LRFN2: variants seen among roughly 807,000 people sequenced by gnomAD.
The protein encoded by LRFN2 is leucine-rich repeat and fibronectin type-III domain-containing protein 2.
In LRFN2, 18 loss-of-function variants were observed where a neutral mutation model predicts 37.3. The ratio of observed to expected loss-of-function variants is 0.48; its 90% CI spans 0.33 to 0.72. LRFN2 has a LOEUF of 0.72. Ranked by LOEUF, LRFN2 falls within the 30% of genes least tolerant of loss-of-function variation. LRFN2 has a pLI of 0.02. For missense variants in LRFN2, 1,006 were observed against 1,060.7 expected, an observed-to-expected ratio of 0.95 and a Z score of 0.72; for synonymous variants, 556 against 466.6, an observed-to-expected ratio of 1.19 and a Z score of -2.47.
At chr6:40,438,949 C>T (rs757259513) in intron 1 of LRFN2, among the ~76,000 whole-genome samples, 1 of 152,102 alleles carries the variant, frequency 6.6e-6, no homozygotes, top group Non-Finnish European at 1.5e-5. Flanking sequence ...AAGGGAAAAA[C>T]AAAGATGAGG....
chr6:40,395,202 C>T (rs1397449325), intron 2 of LRFN2, among the ~76,000 whole-genome samples: 3 of 152,152 alleles, frequency 2.0e-5, no homozygotes, highest in African/African-American at 7.2e-5. Context: ...TCCCATTTCA[C>T]AGAGAAGAAA....
Position 40,587,113 on chromosome 6 carries a change from G to A in LRFN2, c.-191C>T, listed in dbSNP as rs1327634693. The A allele has an allele frequency of 1.3e-5, 2 of 152,244 alleles. No individual in the cohort carries two copies. Among genetic ancestry groups the A allele is most frequent in the African/African-American group, 4.8e-5 (2 of 41,472 alleles). 9.4% of individuals were successfully genotyped at this position (152,244 alleles called of 1,614,324 possible). The stretch of plus-strand genomic sequence containing the variant: ...TGGTGGCCTCGGACGTCCACGCGGG[G>A]AAAGCCCTGAGCCGCTTATTCAGTT... On this transcript the variant is annotated 5_prime_UTR_variant, in exon 1 of 3. Coordinates refer to ENST00000338305, the MANE Select transcript of LRFN2 (RefSeq NM_020737.3). This position sits in a 1 kb window ranked among gnomAD's most constrained non-coding sequence, Gnocchi z 4.2.
Position 40,490,364 on chromosome 6 carries a change from C to T in LRFN2, c.-18-57233G>A, listed in dbSNP as rs559673035. 1.1e-4 allele frequency among the ~76,000 whole-genome samples: 16 copies of T among 152,316 alleles called. No homozygotes were observed. In the South Asian group the frequency reaches 3.3e-3, roughly 32 times the overall value. The stretch of plus-strand genomic sequence containing the variant: ...CCAGTGTGGAGAGATGGAGGAGGAG[C>T]AGCGAGGCTGCAGCTGCCTGATGGA... On this transcript the variant is annotated intron_variant, in intron 1 of 2. Transcript: ENST00000338305.
chr6:40,442,728 T>C (rs959600765), intron 1 of LRFN2, among the ~76,000 whole-genome samples: 14 of 152,210 alleles, frequency 9.2e-5, no homozygotes, highest in African/African-American at 3.4e-4. Context: ...TTCTGCCTCC[T>C]GGGTCTGAGG....
rs1767515599 is a variant in LRFN2 at position 40,586,981 on chromosome 6, G to C, written c.-59C>G. Reference sequence around the variant, plus strand: ...TCTACCCCCGGCTGGGTGGCACCGAGGCCGGCTCCGCGGGGCGCCCGGGCT... The same window carrying C: ...TCTACCCCCGGCTGGGTGGCACCGACGCCGGCTCCGCGGGGCGCCCGGGCT... On this transcript the variant is annotated 5_prime_UTR_variant, in exon 1 of 3. Transcript: ENST00000338305. 6.6e-6 allele frequency: 1 copy of C among 152,190 alleles called. No individual in the cohort carries two copies. Among genetic ancestry groups the C allele is most frequent in the Non-Finnish European group, 1.5e-5 (1 of 68,046 alleles). The allele number at this position is 152,190 out of a possible 1,614,324, so 9.4% of individuals were successfully genotyped here. A position where few individuals can be genotyped will look rare whatever the true frequency, so the allele number is the denominator to read the frequency against.
intron 1 of LRFN2, among the ~76,000 whole-genome samples, chr6:40,559,965 G>A (rs1766963523): frequency 6.6e-6 from 1 of 152,080 alleles, no homozygotes; most frequent in African/African-American, 2.4e-5. Flanking sequence ...ATGCCAAGGC[G>A]AGTTCTAACC....
At chr6:40,483,706 T>G (rs1225592908) in intron 1 of LRFN2, among the ~76,000 whole-genome samples, 1 of 152,184 alleles carries the variant, frequency 6.6e-6, no homozygotes, top group African/African-American at 2.4e-5. Flanking sequence ...TTCCATGATG[T>G]GGGCATGAGA....
At chr6:40,525,206 G>A (rs536615923) in intron 1 of LRFN2, among the ~76,000 whole-genome samples, 9 of 152,314 alleles carry the variant, frequency 5.9e-5, no homozygotes, top group African/African-American at 2.2e-4. Context: ...GGACACAGGA[G>A]CATTCCATAG....
At chr6:40,433,706 G>C (rs1763573727) in intron 1 of LRFN2, among the ~76,000 whole-genome samples, 1 of 152,230 alleles carries the variant, frequency 6.6e-6, no homozygotes, top group South Asian at 2.1e-4. Flanking sequence ...GATAAGAAGA[G>C]AGTTGGTGCT....
chr6:40,446,412 C>T (rs1457806549), intron 1 of LRFN2, among the ~76,000 whole-genome samples: 1 of 152,230 alleles, frequency 6.6e-6, no homozygotes, highest in Non-Finnish European at 1.5e-5. Flanking sequence ...AAAGGATCTC[C>T]CCCTTCCCTG....
At chr6:40,486,748 C>A (rs780919670) in intron 1 of LRFN2, among the ~76,000 whole-genome samples, 8 of 152,150 alleles carry the variant, frequency 5.3e-5, no homozygotes, top group Non-Finnish European at 1.0e-4. Flanking sequence ...TGGGGATACG[C>A]TACAGAATCC....
intron 2 of LRFN2, among the ~76,000 whole-genome samples, chr6:40,423,488 A>G (rs114283171): frequency 1.3e-3 from 197 of 152,320 alleles, no homozygotes; most frequent in African/African-American, 4.5e-3. Context: ...CCTATGAAAT[A>G]TGCAGAAAGG....
chr6:40,448,287 C>T (rs945808170), intron 1 of LRFN2, among the ~76,000 whole-genome samples: 4 of 152,118 alleles, frequency 2.6e-5, no homozygotes, highest in African/African-American at 9.7e-5. Context: ...CCTGCAACCC[C>T]CTGGGTTTGG....
At position 40,580,446 on chromosome 6, in the gene LRFN2, A is replaced by G. The variant is rs569041967; in HGVS notation, c.-19+6495T>C. ...CCATCTTTAACCAGGGACAAAATAT[A>G]CCCTTCCTGTCTTCCAGGGTTGTTC... is the stretch of plus-strand genomic sequence containing the variant. On this transcript the variant is annotated intron_variant, in intron 1 of 2. Transcript: ENST00000338305. Among the ~76,000 whole-genome samples the G allele has an allele frequency of 2.6e-5, 4 of 152,112 alleles. No homozygotes were observed. The East Asian group carries it at 7.7e-4, about 29-fold the overall frequency.
At chr6:40,394,128 G>C (rs971742719) in intron 2 of LRFN2, among the ~76,000 whole-genome samples, 2 of 151,976 alleles carry the variant, frequency 1.3e-5, no homozygotes, top group Non-Finnish European at 2.9e-5. Flanking sequence ...GGTCTGATGG[G>C]GAAGCACTCT....
intron 1 of LRFN2, among the ~76,000 whole-genome samples, chr6:40,441,721 T>A (rs963574967): frequency 7.9e-5 from 12 of 152,114 alleles, no homozygotes; most frequent in Admixed American, 7.9e-4. Flanking sequence ...CAGCCTCCAC[T>A]CCAGCCTACA....
intron 2 of LRFN2, among the ~76,000 whole-genome samples, chr6:40,419,984 G>A (rs1052456510): frequency 6.6e-6 from 1 of 152,196 alleles, no homozygotes; most frequent in Non-Finnish European, 1.5e-5. Context: ...CAAAGGTTTG[G>A]TGTTTAACAG....
intron 2 of LRFN2, among the ~76,000 whole-genome samples, chr6:40,400,697 A>C (rs1317919653): frequency 1.3e-5 from 2 of 151,834 alleles, no homozygotes; most frequent in Non-Finnish European, 2.9e-5. Flanking sequence ...CTGGGATTAC[A>C]GGCATGAGCC....
rs539604975 is a variant in LRFN2 at position 40,515,704 on chromosome 6, C to T, written c.-19+71237G>A. Among the ~76,000 whole-genome samples the T allele has an allele frequency of 7.9e-5, 12 of 152,172 alleles. No homozygotes were observed. The South Asian group carries it at 1.0e-3, about 13-fold the overall frequency. ...AGGAGTTCAAGACCAGCCTGGCCAA[C>T]GTGGTGAAACCCCGTCTCTACTAAA... On this transcript the variant is annotated intron_variant, in intron 1 of 2. Transcript: ENST00000338305.
Sources: allele counts gnomAD v4.1 joint callset (sites outside exome capture counted in the v4.1 genomes callset), GRCh38; gene constraint gnomAD v4.1.1; non-coding constraint Gnocchi (gnomAD v3.1); transcripts MANE v1.5; gene names NCBI Gene and HGNC (gene_info 2026-07-23, HGNC 2026-07-21).